ETAA1: variants seen among roughly 807,000 people sequenced by gnomAD.
ETAA1 encodes ewing's tumor-associated antigen 1.
In ETAA1, 49 loss-of-function variants were observed where a neutral mutation model predicts 76.8. That is an observed-to-expected ratio of 0.64 (90% CI 0.51 to 0.81). The LOEUF (loss-of-function observed/expected upper bound fraction) is 0.81. Among genes scored for constraint, ETAA1 ranks in the 30% least tolerant of loss-of-function variants. The pLI, the probability that ETAA1 is intolerant of heterozygous loss-of-function variation, is 0.00. For missense variants in ETAA1, 1,099 were observed against 1,074.0 expected (o/e 1.02, Z -0.32); for synonymous variants, 373 against 372.2 (o/e 1.00, Z -0.03).
At chr2:67,405,525 G>A (rs1391389800) in intron 5 of ETAA1, among the ~76,000 whole-genome samples, 190 bp downstream of exon 5, 1 of 151,828 alleles carries the variant, frequency 6.6e-6, no homozygotes. Flanking sequence ...AGAGTAGTTG[G>A]TTTATTTTTC....
intron 1 of ETAA1, among the ~76,000 whole-genome samples, chr2:67,397,954 T>A (rs569737992): frequency 8.0e-4 from 122 of 152,312 alleles, no homozygotes; most frequent in African/African-American, 2.9e-3. Context: ...TCCAGGCTGC[T>A]CCTCCAGTCA....
chr2:67,403,326 A>G lies in ETAA1; in HGVS notation c.644A>G (p.Asn215Ser). ...LDVIQEQNKRNYDFTQMISET... is the reference protein window; with the variant it reads ...LDVIQEQNKRSYDFTQMISET... ...GTGATTCAAGAGCAAAACAAGAGGA[A>G]TTATGATTTTACCCAGATGATTTCA... Residue 215 changes from asparagine to serine, a missense_variant, in exon 5 of 6, where the codon AAT becomes AGT. By Grantham distance (46) the Asn-to-Ser change is conservative (BLOSUM62 1). Around this residue, in one of 3 missense-constraint regions of ETAA1, gnomAD observed 761 missense variants for 731.9 expected, o/e 1.04. Coordinates refer to ENST00000272342, the MANE Select transcript of ETAA1 (RefSeq NM_019002.4). The G allele has an allele frequency of 6.2e-7, 1 of 1,606,888 alleles. No homozygotes were observed. Among genetic ancestry groups the G allele is most frequent in the Middle Eastern group, 1.7e-4 (1 of 6,020 alleles).
intron 5 of ETAA1, among the ~76,000 whole-genome samples, chr2:67,406,056 A>G (rs191402951): frequency 6.6e-6 from 1 of 152,152 alleles, no homozygotes; most frequent in African/African-American, 2.4e-5. Flanking sequence ...TTAAAATTGG[A>G]TGGGCAAAAA....
intron 1 of ETAA1, among the ~76,000 whole-genome samples, chr2:67,398,245 C>A (rs775876246): frequency 2.7e-5 from 4 of 146,690 alleles, no homozygotes; most frequent in Non-Finnish European, 3.0e-5. Context: ...TCTAGTAAAT[C>A]TTAGTTGGAA....
In ETAA1 at chr2:67,411,229, T is replaced by C. The variant is rs1163338887; in HGVS notation, c.*1191T>C. The C allele has an allele frequency of 6.6e-6, 1 of 152,006 alleles. No homozygotes were observed. The highest frequency in any genetic ancestry group is 2.4e-5 in the African/African-American group (1 of 41,416). 9.4% of individuals were successfully genotyped at this position (152,006 alleles called of 1,614,324 possible). A position where few individuals can be genotyped will look rare whatever the true frequency, so the allele number is the denominator to read the frequency against. Reference sequence around the variant, plus strand: ...ATTCCTCTTAAATGGTTTTAGGAGATCTAGAGAAAGTTAGAGATATGAAAC... The same window carrying C: ...ATTCCTCTTAAATGGTTTTAGGAGACCTAGAGAAAGTTAGAGATATGAAAC... On this transcript the variant is annotated 3_prime_UTR_variant, in exon 6 of 6. Transcript: ENST00000272342.
intron 1 of ETAA1, 44 bp downstream of exon 1, chr2:67,397,715 T>A: frequency 1.3e-6 from 2 of 1,518,212 alleles, no homozygotes; most frequent in Non-Finnish European, 1.8e-6. Flanking sequence ...CGGCGCCGCA[T>A]CCCCACATCC....
Position 67,404,499 on chromosome 2 carries a change from A to G in ETAA1, c.1817A>G (p.Asp606Gly). Residue 606 changes from aspartate to glycine, a missense_variant, in exon 5 of 6, where the codon GAT becomes GGT. By Grantham distance (94) the Asp-to-Gly change is moderately conservative (BLOSUM62 -1). Transcript: ENST00000272342. ...AATACCTGGGAAGCAGATGATGTAG[A>G]TGATGATTTGTTGTACCAAGCATGT... Reference protein sequence around the residue: ...LDNTWEADDVDDDLLYQACDD... With the variant: ...LDNTWEADDVGDDLLYQACDD... 1 of 1,613,396 alleles carries G rather than the reference A, an allele frequency of 6.2e-7. No homozygotes were observed. The highest frequency in any genetic ancestry group is 2.2e-5 in the East Asian group (1 of 44,822).
rs1210059056 is a variant in ETAA1 at position 67,401,433 on chromosome 2, T to C, written c.430-1429T>C. The C allele has an allele frequency of 2.6e-5, 4 of 151,980 alleles. No homozygotes were observed. In the South Asian group the frequency reaches 6.2e-4, roughly 24 times the overall value. 9.4% of individuals were successfully genotyped at this position (151,980 alleles called of 1,614,324 possible). ...TTCACTTTTTGCAGGGATACTTTTA[T>C]ACAATGTTGTTTATTTGAAGATGGT... is the stretch of plus-strand genomic sequence containing the variant. On this transcript the variant is annotated intron_variant, in intron 3 of 5. Coordinates refer to ENST00000272342, the MANE Select transcript of ETAA1 (RefSeq NM_019002.4).
Position 67,403,668 on chromosome 2 carries a change from C to T in ETAA1, c.986C>T (p.Thr329Ile). The change falls in exon 5 of 6, where the codon ACT becomes ATT. Residue 329 changes from threonine (T) to isoleucine (I), a missense_variant. Physicochemically the swap from Thr to Ile is moderately conservative, Grantham distance 89. Transcript: ENST00000272342. ...LKEEKIITNE[T>I]LVIEKLSNKT... Reference sequence around the variant, plus strand: ...GAGGAGAAAATCATTACTAATGAAACTCTGGTCATTGAAAAACTGTCAAAT... The same window carrying T: ...GAGGAGAAAATCATTACTAATGAAATTCTGGTCATTGAAAAACTGTCAAAT... 1 of 1,613,330 alleles carries T rather than the reference C, an allele frequency of 6.2e-7. No homozygotes were observed. The highest frequency in any genetic ancestry group is 2.2e-5 in the East Asian group (1 of 44,856).
At chr2:67,409,648 T>C (rs1676312346) in intron 5 of ETAA1, among the ~76,000 whole-genome samples, 1 of 151,980 alleles carries the variant, frequency 6.6e-6, no homozygotes, top group South Asian at 2.1e-4. Flanking sequence ...TGGTGGGTAG[T>C]CAGTTTTCTA....
intron 1 of ETAA1, 42 bp downstream of exon 1, chr2:67,397,713 C>T (rs748065408): frequency 8.6e-6 from 13 of 1,516,346 alleles, no homozygotes; most frequent in African/African-American, 1.4e-5. Context: ...TTCGGCGCCG[C>T]ATCCCCACAT....
rs1676097217 is a variant in ETAA1, at chr2:67,402,968, G to T, written c.536G>T (p.Cys179Phe). 2 of 1,598,916 alleles carry T rather than the reference G, an allele frequency of 1.3e-6. No individual in the cohort carries two copies. Among genetic ancestry groups the T allele is most frequent in the Non-Finnish European group, 1.7e-6 (2 of 1,173,320 alleles). The change falls in exon 4 of 6, where the codon TGC becomes TTC. Residue 179 changes from cysteine to phenylalanine, a missense_variant. Coordinates refer to ENST00000272342, the MANE Select transcript of ETAA1 (RefSeq NM_019002.4). ...GGAAAATCAAGAGCAAAAATCAGCT[G>T]CACAAAGTAAGTTAAGACTTTTCAG... ...AKGKSRAKISCTKLKTQSQEE... is the reference protein window; with the variant it reads ...AKGKSRAKISFTKLKTQSQEE...
Position 67,403,570 on chromosome 2 carries a change from G to T in ETAA1, c.888G>T (p.Gln296His), listed in dbSNP as rs780212331. The stretch of plus-strand genomic sequence containing the variant: ...GTTCTACTCAGAAATGTAGCGGACA[G>T]TTAAGCCAAGAACTGCCAGAGGCTT... ...FDGSTQKCSG[Q>H]LSQELPEAFW... Residue 296 changes from glutamine (Q) to histidine (H), a missense_variant, in exon 5 of 6, where the codon CAG (glutamine) becomes CAT (histidine). Transcript: ENST00000272342. 1.9e-6 allele frequency: 3 copies of T among 1,613,378 alleles called. No individual in the cohort carries two copies. Among genetic ancestry groups the T allele is most frequent in the Non-Finnish European group, 2.5e-6 (3 of 1,179,406 alleles).
intron 1 of ETAA1, 32 bp from the exon 2 acceptor site, chr2:67,399,137 A>G (rs1390712503): frequency 6.3e-7 from 1 of 1,592,330 alleles, no homozygotes; most frequent in Non-Finnish European, 8.6e-7. Flanking sequence ...TTTAAAATGC[A>G]ACAATTGTTA....
At position 67,397,441 on chromosome 2, in the gene ETAA1, C is replaced by G. The variant is rs1437378060; in HGVS notation, c.-8C>G. ...GAAGAAGCGGCTGGTGGAGGCGGGCCATAGGCAATGAGTCGGCGAAGGAAA... is the reference window on the plus strand; with the variant it reads ...GAAGAAGCGGCTGGTGGAGGCGGGCGATAGGCAATGAGTCGGCGAAGGAAA... On this transcript the variant is annotated 5_prime_UTR_variant, in exon 1 of 6. Transcript: ENST00000272342. The G allele has an allele frequency of 6.3e-7, 1 of 1,584,952 alleles. No homozygotes were observed. Among genetic ancestry groups the G allele is most frequent in the Admixed American group, 1.8e-5 (1 of 55,538 alleles).
In ETAA1 at chr2:67,405,047, A is replaced by G. The variant is rs754216041; in HGVS notation, c.2365A>G (p.Thr789Ala). The G allele has an allele frequency of 1.9e-6, 3 of 1,611,426 alleles. No homozygotes were observed. Among genetic ancestry groups the G allele is most frequent in the South Asian group, 1.1e-5 (1 of 90,858 alleles). The change falls in exon 5 of 6, where the codon ACT becomes GCT. Residue 789 changes from threonine to alanine, a missense_variant. Coordinates refer to ENST00000272342, the MANE Select transcript of ETAA1 (RefSeq NM_019002.4). Reference sequence around the variant, plus strand: ...AGATCATATGAATACAGAAATTACTACTTATAAGAAGAAATTGAGTACTAA... The same window carrying G: ...AGATCATATGAATACAGAAATTACTGCTTATAAGAAGAAATTGAGTACTAA... ...TSDHMNTEIT[T>A]YKKKLSTNQP...
rs753063311 is a variant in ETAA1, at chr2:67,397,596, G to C, written c.148G>C (p.Glu50Gln). ...ARGSWPCGAR[E>Q]GPPGPVRQRE... ...CGGTTCGTGGCCCTGCGGGGCTAGA[G>C]AGGGGCCTCCCGGGCCAGTGCGGCA... The change falls in exon 1 of 6, where the codon GAG (glutamate) becomes CAG (glutamine). Residue 50 changes from glutamate (E) to glutamine (Q), a missense_variant. Transcript: ENST00000272342. 6.4e-7 allele frequency: 1 copy of C among 1,552,990 alleles called. No individual in the cohort carries two copies. Among genetic ancestry groups the C allele is most frequent in the African/African-American group, 1.4e-5 (1 of 73,214 alleles).
chr2:67,409,879 A>C, intron 5 of ETAA1, 32 bp from the exon 6 acceptor site: 1 of 1,574,948 alleles, frequency 6.3e-7, no homozygotes, highest in Non-Finnish European at 8.6e-7. Flanking sequence ...ATAGGCTATA[A>C]AAGTAAAACT....
intron 5 of ETAA1, among the ~76,000 whole-genome samples, chr2:67,408,472 G>A (rs1676276828): frequency 6.6e-6 from 1 of 151,970 alleles, no homozygotes; most frequent in South Asian, 2.1e-4. Flanking sequence ...CAGTGGTACA[G>A]GTGAGCAGTT....
Sources: allele counts gnomAD v4.1 joint callset (sites outside exome capture counted in the v4.1 genomes callset), GRCh38; gene constraint gnomAD v4.1.1; regional missense constraint gnomAD v4.1.1; transcripts MANE v1.5; gene names NCBI Gene and HGNC (gene_info 2026-07-23, HGNC 2026-07-21).